The following PDZD2 variants were observed in gnomAD, a reference collection of about 807,000 sequenced individuals.
PDZD2 encodes PDZ domain containing 2, also known as PDZ domain-containing protein 2.
A neutral mutation model predicts 220.7 loss-of-function variants in PDZD2; 90 were observed. The observed-to-expected ratio is 0.41, with a 90% confidence interval of 0.34 to 0.49. The LOEUF (loss-of-function observed/expected upper bound fraction) is 0.49, where lower values mean the gene tolerates loss of function less well. PDZD2 is among the 20% of genes least tolerant of loss of function. PDZD2 has a pLI of 0.28. For missense variants in PDZD2, 3,174 were observed against 3,608.5 expected, an observed-to-expected ratio of 0.88 and a Z score of 3.08; for synonymous variants, 1,375 against 1,450.5, an observed-to-expected ratio of 0.95 and a Z score of 1.18.
At chr5:31,754,035 G>A (rs1251361881) in intron 1 of PDZD2, among the ~76,000 whole-genome samples, 5 of 152,188 alleles carry the variant, frequency 3.3e-5, no homozygotes, top group Non-Finnish European at 7.3e-5. Flanking sequence ...TGCTTCTCTA[G>A]TTTGCCTTGA....
At chr5:31,748,293 C>T (rs575785117) in intron 1 of PDZD2, among the ~76,000 whole-genome samples, 1 of 152,268 alleles carries the variant, frequency 6.6e-6, no homozygotes, top group East Asian at 1.9e-4. Context: ...GAGATGAGAG[C>T]GTTGGAGTCA....
At chr5:31,885,221 A>G (rs78179439) in intron 2 of PDZD2, among the ~76,000 whole-genome samples, 4,921 of 147,824 alleles carry the variant, frequency 0.033, 133 homozygotes, top group Non-Finnish European at 0.043. Context: ...AGAAATGCCA[A>G]TCAAAGCAGT....
chr5:31,751,839 G>A (rs1367227900), intron 1 of PDZD2, among the ~76,000 whole-genome samples: 4 of 151,990 alleles, frequency 2.6e-5, no homozygotes, highest in African/African-American at 9.7e-5. Context: ...TAGTTAAGAT[G>A]CCGCCTCTGC....
intron 14 of PDZD2, among the ~76,000 whole-genome samples, chr5:32,066,683 A>G (rs929047470): frequency 1.3e-5 from 2 of 152,220 alleles, no homozygotes; most frequent in African/African-American, 4.8e-5. Flanking sequence ...GTTTGCAGTC[A>G]TTGGCTTCAA....
intron 3 of PDZD2, among the ~76,000 whole-genome samples, chr5:31,993,801 A>C (rs1490093404): frequency 6.6e-6 from 1 of 152,186 alleles, no homozygotes; most frequent in Non-Finnish European, 1.5e-5. Context: ...GTGAGTCTGA[A>C]GTGAGACCCC....
At chr5:31,936,454 G>A in intron 2 of PDZD2, 1 of 512,512 alleles carries the variant, frequency 2.0e-6, no homozygotes. Context: ...AGATGAGCAG[G>A]TAATAATAAC....
chr5:31,698,031 T>C (rs1481936434), intron 1 of PDZD2, among the ~76,000 whole-genome samples: 1 of 151,496 alleles, frequency 6.6e-6, no homozygotes, highest in Non-Finnish European at 1.5e-5. Flanking sequence ...GCCTCCCAAG[T>C]AGCTGGGACT....
chr5:31,885,702 G>C (rs1018798458), intron 2 of PDZD2, among the ~76,000 whole-genome samples: 2 of 152,004 alleles, frequency 1.3e-5, no homozygotes, highest in African/African-American at 2.4e-5. Context: ...GAGAAACATA[G>C]TATAGCATAA....
chr5:31,840,537 CTTCCCACTGG>C, intron 2 of PDZD2: 2 of 635,446 alleles, frequency 3.1e-6, no homozygotes, highest in Non-Finnish European at 5.8e-6. Flanking sequence ...GCTCAGGCTC[CTTCCCACTGG>C]TTCTCACAAA....
intron 2 of PDZD2, among the ~76,000 whole-genome samples, chr5:31,821,860 A>G (rs1242656545): frequency 5.5e-5 from 8 of 146,768 alleles, no homozygotes; most frequent in East Asian, 1.9e-4. Flanking sequence ...CCATCCCCCA[A>G]TAGGCCCCAG....
intron 1 of PDZD2, among the ~76,000 whole-genome samples, chr5:31,684,266 C>T (rs1746762767): frequency 6.6e-6 from 1 of 152,142 alleles, no homozygotes; most frequent in Non-Finnish European, 1.5e-5. Context: ...ATTTACTGTC[C>T]CATGGCCCCT....
chr5:32,019,068 C>G (rs1465129844), intron 6 of PDZD2, among the ~76,000 whole-genome samples: 4 of 151,838 alleles, frequency 2.6e-5, no homozygotes, highest in Non-Finnish European at 4.4e-5. Flanking sequence ...GGCTACCTGG[C>G]CTTGCTGCAT....
At chr5:31,863,072 C>T (rs558363594) in intron 2 of PDZD2, among the ~76,000 whole-genome samples, 4 of 152,206 alleles carry the variant, frequency 2.6e-5, no homozygotes, top group South Asian at 4.2e-4. Flanking sequence ...TTAGTAGAGA[C>T]GGAGTTTCAC....
At chr5:32,082,756 TAAGA>T (rs1742095879) in intron 19 of PDZD2, among the ~76,000 whole-genome samples, 1 of 152,222 alleles carries the variant, frequency 6.6e-6, no homozygotes. Flanking sequence ...ATGATTTTCC[TAAGA>T]AAGTTTTAGA....
intron 8 of PDZD2, among the ~76,000 whole-genome samples, chr5:32,049,637 C>T (rs1475865925): frequency 6.6e-6 from 1 of 152,142 alleles, no homozygotes; most frequent in Non-Finnish European, 1.5e-5. Context: ...TAAAGGTGCT[C>T]GAATCAGTCA....
chr5:31,941,949 T>G (rs1746248206), intron 2 of PDZD2, among the ~76,000 whole-genome samples: 1 of 152,214 alleles, frequency 6.6e-6, no homozygotes, highest in Admixed American at 6.5e-5. Flanking sequence ...GTGTTTTGTT[T>G]TTTAATTCTG....
At chr5:31,685,167 A>AC (rs1453110523) in intron 1 of PDZD2, among the ~76,000 whole-genome samples, 4 of 150,674 alleles carry the variant, frequency 2.7e-5, no homozygotes, top group Admixed American at 2.6e-4. Flanking sequence ...TACCCGCTTG[A>AC]CCCCCTTCTC....
chr5:31,793,038 A>C (rs1435920996), intron 1 of PDZD2, among the ~76,000 whole-genome samples: 1 of 145,784 alleles, frequency 6.9e-6, no homozygotes, highest in African/African-American at 2.5e-5. Flanking sequence ...GGGTTTCACC[A>C]TGTTGGCCAG....
chr5:32,072,807 T>C (rs575778725), intron 17 of PDZD2, among the ~76,000 whole-genome samples: 1 of 152,302 alleles, frequency 6.6e-6, no homozygotes, highest in East Asian at 1.9e-4. Context: ...CAGGGGTGGA[T>C]GGTGGCTAAA....
Sources: allele counts gnomAD v4.1 joint callset (sites outside exome capture counted in the v4.1 genomes callset), GRCh38; gene constraint gnomAD v4.1.1; transcripts MANE v1.5; gene names NCBI Gene and HGNC (gene_info 2026-07-23, HGNC 2026-07-21).